Variants in TDRD9 observed in about 807,000 individuals in gnomAD.
TDRD9 encodes ATP-dependent RNA helicase TDRD9.
TDRD9 carries 124 observed loss-of-function variants against 172.6 expected under a neutral mutation model. The ratio of observed to expected loss-of-function variants is 0.72; its 90% CI spans 0.62 to 0.83. The LOEUF (loss-of-function observed/expected upper bound fraction) is 0.83. TDRD9 is among the 40% of genes least tolerant of loss of function. TDRD9 has a pLI of 0.00. For missense variants in TDRD9, 1,479 were observed against 1,714.1 expected, an observed-to-expected ratio of 0.86 and a Z score of 2.42; for synonymous variants, 619 against 617.1, an observed-to-expected ratio of 1.00 and a Z score of -0.05.
At chr14:103,941,663 T>G in intron 1 of TDRD9, 3 of 1,527,008 alleles carry the variant, frequency 2.0e-6, no homozygotes, top group Middle Eastern at 3.4e-4. Context: ...AGGAATCGTT[T>G]TTGGGCCATT....
At chr14:104,020,454 G>A (rs2034919853) in intron 23 of TDRD9, among the ~76,000 whole-genome samples, 1 of 152,206 alleles carries the variant, frequency 6.6e-6, no homozygotes, top group South Asian at 2.1e-4. Context: ...TGGATGCTGG[G>A]GAGGATGCAG....
chr14:103,939,735 A>C (rs1352655798), intron 1 of TDRD9: 1 of 30,180 alleles, frequency 3.3e-5, no homozygotes, highest in African/African-American at 8.0e-5. Context: ...GTCTTTTTGA[A>C]AAAAAGTGTT....
chr14:104,025,066 C>T (rs2035073401), intron 25 of TDRD9, among the ~76,000 whole-genome samples: 1 of 152,246 alleles, frequency 6.6e-6, no homozygotes, highest in Non-Finnish European at 1.5e-5. Context: ...ACTGCAACCT[C>T]TGCCTTCTGG....
At chr14:104,002,823 C>A (rs2034308153) in intron 13 of TDRD9, among the ~76,000 whole-genome samples, 1 of 151,690 alleles carries the variant, frequency 6.6e-6, no homozygotes, top group South Asian at 2.1e-4. Context: ...TCTCCACCTC[C>A]CAGGTTCAAG....
Position 104,018,107 on chromosome 14 carries a change from C to T in TDRD9, c.2347C>T (p.Pro783Ser), listed in dbSNP as rs1414641722. 1 of 1,596,916 alleles carries T rather than the reference C, an allele frequency of 6.3e-7. No homozygotes were observed. The highest frequency in any genetic ancestry group is 2.2e-5 in the East Asian group (1 of 44,732). ...TATTTTACAGTTGAAACACATTCCTCCCTATGGATTTCTTTACTATAAACA... is the reference window on the plus strand; with the variant it reads ...TATTTTACAGTTGAAACACATTCCTTCCTATGGATTTCTTTACTATAAACA... The part of the protein sequence containing the change: ...KTTVVLKHIP[P>S]YGFLYYKQLQ... The change falls in exon 23 of 36, where the codon CCC becomes TCC. Residue 783 changes from proline (P) to serine (S), a missense_variant. Physicochemically the swap from Pro to Ser is moderately conservative, Grantham distance 74. Coordinates refer to ENST00000409874, the MANE Select transcript of TDRD9 (RefSeq NM_153046.3).
chr14:103,967,668 T>C (rs1048746083), intron 5 of TDRD9, among the ~76,000 whole-genome samples: 9 of 152,240 alleles, frequency 5.9e-5, no homozygotes, highest in African/African-American at 1.2e-4. Flanking sequence ...TGTGATCTTA[T>C]GTACAGGCAC....
chr14:104,031,163 A>G lies in TDRD9; in HGVS notation c.3338A>G (p.Asp1113Gly). Residue 1113 changes from aspartate to glycine, a missense_variant, in exon 29 of 36, where the codon GAT (aspartate) becomes GGT (glycine). Coordinates refer to ENST00000409874, the MANE Select transcript of TDRD9 (RefSeq NM_153046.3). ...TCCAAGTCAGTAGAAAACATGACAG[A>G]TGGCTCTGTGCCCTTTCCCATGAAA... is the stretch of plus-strand genomic sequence containing the variant. ...LFSKSVENMT[D>G]GSVPFPMKDD... 1 of 1,551,724 alleles carries G rather than the reference A, an allele frequency of 6.4e-7. No individual in the cohort carries two copies. The highest frequency in any genetic ancestry group is 8.7e-7 in the Non-Finnish European group (1 of 1,146,964).
chr14:103,975,293 T>TA, intron 6 of TDRD9, 96 bp from the exon 7 acceptor site: 1 of 1,154,442 alleles, frequency 8.7e-7, no homozygotes, highest in Non-Finnish European at 1.2e-6. Context: ...AGTTGTTAGA[T>TA]AAGGAGTGAA....
chr14:104,028,779 C>T (rs80020004), intron 28 of TDRD9, among the ~76,000 whole-genome samples: 13,113 of 152,076 alleles, frequency 0.086, 816 homozygotes, highest in Non-Finnish European at 0.14. Context: ...AGTATTTCTC[C>T]TTGTTTTCTT....
At chr14:103,989,653 C>T (rs566534332) in intron 8 of TDRD9, among the ~76,000 whole-genome samples, 1 of 152,330 alleles carries the variant, frequency 6.6e-6, no homozygotes, top group Non-Finnish European at 1.5e-5. Context: ...GGCTGGTCCC[C>T]CAGGGAATGG....
chr14:103,975,621 C>A, intron 7 of TDRD9, 68 bp downstream of exon 7: 1 of 1,444,818 alleles, frequency 6.9e-7, no homozygotes, highest in Admixed American at 2.4e-5. Flanking sequence ...CTGCATTCAT[C>A]ACCTATGATT....
intron 32 of TDRD9, among the ~76,000 whole-genome samples, chr14:104,035,427 C>T (rs2152257353): frequency 6.6e-6 from 1 of 152,284 alleles, no homozygotes. Flanking sequence ...CGACAAGAAC[C>T]CGTCAGTCCC....
Position 103,997,277 on chromosome 14 carries a change from C to T in TDRD9, c.1379-1347C>T, listed in dbSNP as rs915314671. 6.6e-6 allele frequency among the ~76,000 whole-genome samples: 1 copy of T among 152,130 alleles called. No homozygotes were observed. Among genetic ancestry groups the T allele is most frequent in the African/African-American group, 2.4e-5 (1 of 41,418 alleles). On this transcript the variant is annotated intron_variant, in intron 12 of 35. Transcript: ENST00000409874. This position sits in a 1 kb window ranked among gnomAD's most constrained non-coding sequence, Gnocchi z 5.1. The stretch of plus-strand genomic sequence containing the variant: ...ACAATGGGTGGTGCTTAGAAAAGGA[C>T]AGCAGCGGTAGGGGACAGGAGGTGG...
intron 7 of TDRD9, among the ~76,000 whole-genome samples, chr14:103,984,365 G>A (rs756916412): frequency 2.6e-5 from 4 of 152,160 alleles, no homozygotes; most frequent in Non-Finnish European, 4.4e-5. Flanking sequence ...AAGTGGTTTC[G>A]TGGGCCAGGC....
chr14:103,970,553 A>G lies in TDRD9; in HGVS notation c.778A>G (p.Thr260Ala). ...HIIIDEVHERTEEMDFLLLVV... is the reference protein window; with the variant it reads ...HIIIDEVHERAEEMDFLLLVV... ...TTTTATTTTGTAGGTACACGAACGA[A>G]CAGAAGAAATGGATTTCCTGCTATT... Residue 260 changes from threonine (T) to alanine (A), a missense_variant, in exon 6 of 36, where the codon ACA becomes GCA. Physicochemically the swap from Thr to Ala is moderately conservative, Grantham distance 58 (BLOSUM62 0). This residue lies in a region of TDRD9 where 1,413 missense variants were observed against 1,649.1 expected (regional missense o/e 0.86). Coordinates refer to ENST00000409874, the MANE Select transcript of TDRD9 (RefSeq NM_153046.3). 6.4e-7 allele frequency: 1 copy of G among 1,551,632 alleles called. No homozygotes were observed. The highest frequency in any genetic ancestry group is 8.7e-7 in the Non-Finnish European group (1 of 1,146,896).
At chr14:104,036,842 C>G (rs1422975832) in intron 32 of TDRD9, among the ~76,000 whole-genome samples, 1 of 152,116 alleles carries the variant, frequency 6.6e-6, no homozygotes, top group African/African-American at 2.4e-5. Context: ...TGACAGTGTG[C>G]GTAAGACTAG....
intron 9 of TDRD9, among the ~76,000 whole-genome samples, chr14:103,992,371 G>A (rs1051198688): frequency 2.0e-5 from 3 of 152,192 alleles, no homozygotes; most frequent in Non-Finnish European, 4.4e-5. Flanking sequence ...CAACATATGA[G>A]TTTCAAACTT....
At position 104,006,794 on chromosome 14, in the gene TDRD9, T is replaced by C. The variant is rs1406921941; in HGVS notation, c.1956T>C (p.Asn652=). 3 of 1,613,600 alleles carry C rather than the reference T, an allele frequency of 1.9e-6. No homozygotes were observed. Among genetic ancestry groups the C allele is most frequent in the East Asian group, 4.5e-5 (2 of 44,886 alleles). The change falls in exon 18 of 36, where the codon AAT becomes AAC. Residue 652 remains asparagine (N), a synonymous_variant. Coordinates refer to ENST00000409874, the MANE Select transcript of TDRD9 (RefSeq NM_153046.3). ...TATCTGTTTATAGGAACAAAGTGAATTTCTCTGGCAGTAGCAAGAGTGACT... is the reference window on the plus strand; with the variant it reads ...TATCTGTTTATAGGAACAAAGTGAACTTCTCTGGCAGTAGCAAGAGTGACT... ...QHLDGYRNKV[N]FSGSSKSDCI...
chr14:104,050,946 G>A (rs2035920537), intron 35 of TDRD9, among the ~76,000 whole-genome samples: 1 of 152,244 alleles, frequency 6.6e-6, no homozygotes, highest in African/African-American at 2.4e-5. Context: ...GCTTGCCATA[G>A]TATTAATCAT....
Sources: gnomAD v4.1 joint callset for allele counts (sites outside exome capture counted in the v4.1 genomes callset) on GRCh38, gnomAD v4.1.1 for gene constraint, gnomAD v4.1.1 regional missense constraint, Gnocchi (gnomAD v3.1) non-coding constraint, MANE v1.5 for transcripts, NCBI Gene and HGNC (gene_info 2026-07-23, HGNC 2026-07-21) for gene names.